Variants in SPG11 observed in about 807,000 individuals in gnomAD.
SPG11 encodes spatacsin.
SPG11 carries 222 observed loss-of-function variants against 274.0 expected under a neutral mutation model. That is an observed-to-expected ratio of 0.81 (90% CI 0.73 to 0.91). The LOEUF is 0.91. SPG11 is among the 40% of genes least tolerant of loss of function. The pLI is 0.00. For synonymous variants in SPG11, 1,144 were observed against 1,039.7 expected (o/e 1.10, Z -1.93); for missense variants, 3,114 against 2,872.7 (o/e 1.08, Z -1.92).
intron 31 of SPG11, 63 bp from the exon 32 acceptor site, chr15:44,573,808 T>A: frequency 6.6e-7 from 1 of 1,516,912 alleles, no homozygotes; most frequent in Admixed American, 1.7e-5. Context: ...AAAAGAGCCC[T>A]TTCTGAAATC....
chr15:44,566,770 G>C lies in SPG11; in HGVS notation c.6755-465C>G, dbSNP rs577248752. ...CTGGAGTGCAATGGGCGCGATCTTG[G>C]CTCACTGCAACCTCCGCCTCCCGGG... On this transcript the variant is annotated intron_variant, in intron 36 of 39. Coordinates refer to ENST00000261866, the MANE Select transcript of SPG11 (RefSeq NM_025137.4). Among the ~76,000 whole-genome samples, 120 of 152,254 alleles carry C rather than the reference G, an allele frequency of 7.9e-4. 1 individual carries two copies. Among genetic ancestry groups the C allele is most frequent in the African/African-American group, 2.8e-3 (115 of 41,556 alleles).
chr15:44,659,174 A>G lies in SPG11; in HGVS notation c.572T>C (p.Phe191Ser). 6.2e-7 allele frequency: 1 copy of G among 1,614,256 alleles called. No individual in the cohort carries two copies. The highest frequency in any genetic ancestry group is 2.2e-5 in the East Asian group (1 of 44,884). ...RDAAIRVLNC[F>S]TLPLPAQAVD... ...TGCCTGTGCAGGCAAGGGAAGTGTG[A>G]AACAGTTGAGTACTCTAATTGCAGC... Residue 191 changes from phenylalanine to serine, a missense_variant, in exon 3 of 40, where the codon TTC (phenylalanine) becomes TCC (serine). Physicochemically the swap from Phe to Ser is radical, Grantham distance 155. Transcript: ENST00000261866.
chr15:44,583,773 T>G, intron 30 of SPG11, 41 bp downstream of exon 30: 1 of 1,613,688 alleles, frequency 6.2e-7, no homozygotes, highest in Non-Finnish European at 8.5e-7. Flanking sequence ...GTGCTAACAG[T>G]GCCATTTAAG....
chr15:44,602,976 A>G (rs2083234048), intron 20 of SPG11, among the ~76,000 whole-genome samples: 1 of 152,170 alleles, frequency 6.6e-6, no homozygotes, highest in Non-Finnish European at 1.5e-5. Context: ...TCATTATGCA[A>G]TAAAATCCCT....
rs201318366 is a variant in SPG11, at chr15:44,581,597, T to TA, written c.5866+2216dup. Among the ~76,000 whole-genome samples, 312 of 134,240 alleles carry TA rather than the reference T, an allele frequency of 2.3e-3. 3 individuals carry two copies. The South Asian group carries it at 0.029, about 12-fold the overall frequency. The allele number at this position is 134,240 out of a possible 152,430, so 88.1% of individuals were successfully genotyped here. A position where few individuals can be genotyped will look rare whatever the true frequency, so the allele number is the denominator to read the frequency against. On this transcript the variant is annotated intron_variant, in intron 30 of 39. Transcript: ENST00000261866. Reference sequence around the variant, plus strand: ...TCTCAGATGATGAAAAACTGATTATTAAAAAAAAAAAAAAGGCTGGGCGTG... The same window carrying TA: ...TCTCAGATGATGAAAAACTGATTATTAAAAAAAAAAAAAAAGGCTGGGCGTG...
At chr15:44,611,962 A>G (rs2083470363) in intron 17 of SPG11, among the ~76,000 whole-genome samples, 1 of 151,670 alleles carries the variant, frequency 6.6e-6, no homozygotes, top group African/African-American at 2.4e-5. Context: ...CCCGCCACCA[A>G]GCCGGGCTAA....
intron 7 of SPG11, among the ~76,000 whole-genome samples, chr15:44,642,047 A>C (rs1300370924): frequency 6.6e-6 from 1 of 152,022 alleles, no homozygotes; most frequent in Non-Finnish European, 1.5e-5. Context: ...TGGATGAATC[A>C]AAAAAATCAT....
At chr15:44,603,332 A>G (rs1480985685) in intron 20 of SPG11, among the ~76,000 whole-genome samples, 1 of 152,166 alleles carries the variant, frequency 6.6e-6, no homozygotes, top group Non-Finnish European at 1.5e-5. Context: ...GCCTCAAGCA[A>G]TCCTTCCACC....
In SPG11 at chr15:44,633,324, C is replaced by CAAA. The variant is rs531787427; in HGVS notation, c.1735+178_1735+180dup. On this transcript the variant is annotated intron_variant, in intron 8 of 39. Transcript: ENST00000261866. ...TAGGCAACAGAGTGAGACTCTGTCT[C>CAAA]AAAAAAAAAAAAAAAAAAAAAAAAA... The CAAA allele has an allele frequency of 1.6e-3, 176 of 108,848 alleles. 24 individuals carry two copies. The highest frequency in any genetic ancestry group is 2.7e-3 in the African/African-American group (30 of 11,032). The allele number at this position is 108,848 out of a possible 1,614,324, so 6.7% of individuals were successfully genotyped here. A position where few individuals can be genotyped will look rare whatever the true frequency, so the allele number is the denominator to read the frequency against.
At chr15:44,654,179 T>C (rs2084868320) in intron 4 of SPG11, among the ~76,000 whole-genome samples, 1 of 152,194 alleles carries the variant, frequency 6.6e-6, no homozygotes, top group South Asian at 2.1e-4. Context: ...TGCATAAAAG[T>C]TACATAGTTA....
intron 7 of SPG11, among the ~76,000 whole-genome samples, chr15:44,645,774 A>G (rs2084589774): frequency 6.6e-6 from 1 of 152,192 alleles, no homozygotes; most frequent in Admixed American, 6.5e-5. Context: ...ACAAGCAAAA[A>G]ACAACCCCAT....
chr15:44,639,017 T>G (rs932373634), intron 7 of SPG11, among the ~76,000 whole-genome samples: 1 of 151,790 alleles, frequency 6.6e-6, no homozygotes, highest in Non-Finnish European at 1.5e-5. Context: ...ATAATAATAG[T>G]AACTATTATT....
chr15:44,629,267 G>T lies in SPG11; in HGVS notation c.1857C>A (p.Asn619Lys). The change falls in exon 9 of 40, where the codon AAC becomes AAA. Residue 619 changes from asparagine (N) to lysine (K), a missense_variant. Physicochemically the swap from Asn to Lys is moderately conservative, Grantham distance 94 (BLOSUM62 0). Transcript: ENST00000261866. ...GAATGAAAAGCTCCTTTATTTGGTTGTTAAGGAAAGACAGTGTAAGATTAA... is the reference window on the plus strand; with the variant it reads ...GAATGAAAAGCTCCTTTATTTGGTTTTTAAGGAAAGACAGTGTAAGATTAA... ...QLLNLTLSFLNNQIKELFIHT... is the reference protein window; with the variant it reads ...QLLNLTLSFLKNQIKELFIHT... 6.2e-7 allele frequency: 1 copy of T among 1,614,070 alleles called. No homozygotes were observed. The highest frequency in any genetic ancestry group is 8.5e-7 in the Non-Finnish European group (1 of 1,179,958).
Position 44,595,271 on chromosome 15 carries a change from C to G in SPG11, c.4623G>C (p.Gln1541His). Residue 1541 changes from glutamine to histidine, a missense_variant, in exon 26 of 40, where the codon CAG becomes CAC. By Grantham distance (24) the Gln-to-His change is conservative (BLOSUM62 0). Transcript: ENST00000261866. ...CAACTATCACTACCTTAAAGAAAAG[C>G]TGGAAACCTCTGATGAGAGTTTTGC... ...QKSKTLIRGFQLFFKDSPLLL... is the reference protein window; with the variant it reads ...QKSKTLIRGFHLFFKDSPLLL... 6.2e-7 allele frequency: 1 copy of G among 1,614,178 alleles called. No individual in the cohort carries two copies. Among genetic ancestry groups the G allele is most frequent in the Non-Finnish European group, 8.5e-7 (1 of 1,179,998 alleles).
rs144314414 is a variant in SPG11 at position 44,626,321 on chromosome 15, C to A, written c.2244+10G>T. 7.1e-5 allele frequency: 114 copies of A among 1,605,014 alleles called. No homozygotes were observed. In the African/African-American group the frequency reaches 1.4e-3, roughly 19 times the overall value. On this transcript the variant is annotated intron_variant, in intron 11 of 39. Transcript: ENST00000261866. ...ATACATTTTAAGACTTTATGGATTA[C>A]ACCACTCACCATATTCTTCAAAAGT...
At chr15:44,578,174 G>C (rs185331381) in intron 30 of SPG11, among the ~76,000 whole-genome samples, 1 of 150,890 alleles carries the variant, frequency 6.6e-6, no homozygotes, top group Non-Finnish European at 1.5e-5. Context: ...ATAGGCGCCC[G>C]CCACCACGCG....
intron 13 of SPG11, 141 bp from the exon 14 acceptor site, chr15:44,622,075 G>T: frequency 8.5e-7 from 1 of 1,180,216 alleles, no homozygotes; most frequent in Non-Finnish European, 1.2e-6. Flanking sequence ...GAAAACTCTC[G>T]AGTCCCTTCT....
rs541913048 is a variant in SPG11 at position 44,587,460 on chromosome 15, C to T, written c.4907-1610G>A. Among the ~76,000 whole-genome samples the T allele has an allele frequency of 3.3e-5, 5 of 152,104 alleles. No homozygotes were observed. The East Asian group carries it at 7.7e-4, about 24-fold the overall frequency. Reference sequence around the variant, plus strand: ...ATCCCAGCACCATGGGAGGCCAAGGCGGGAGGAGTGCTTGAGCTCAGGAGC... The same window carrying T: ...ATCCCAGCACCATGGGAGGCCAAGGTGGGAGGAGTGCTTGAGCTCAGGAGC... On this transcript the variant is annotated intron_variant, in intron 28 of 39. Transcript: ENST00000261866.
At chr15:44,577,157 A>G (rs914108076) in intron 30 of SPG11, among the ~76,000 whole-genome samples, 1 of 152,028 alleles carries the variant, frequency 6.6e-6, no homozygotes, top group African/African-American at 2.4e-5. Context: ...ATGCGTTTCT[A>G]TGTTATGTGA....
Sources: allele counts gnomAD v4.1 joint callset (sites outside exome capture counted in the v4.1 genomes callset), GRCh38; gene constraint gnomAD v4.1.1; transcripts MANE v1.5; gene names NCBI Gene and HGNC (gene_info 2026-07-23, HGNC 2026-07-21).